The following TASP1 variants were observed in gnomAD, a reference collection of about 807,000 sequenced individuals.
The protein encoded by TASP1 is taspase 1.
In TASP1, 16 loss-of-function variants were observed where a neutral mutation model predicts 56.6. The observed-to-expected ratio is 0.28, with a 90% CI of 0.19 to 0.43. The LOEUF is 0.43. Among genes scored for constraint, TASP1 ranks in the 20% least tolerant of loss-of-function variants. The pLI, the probability that TASP1 is intolerant of heterozygous loss-of-function variation, is 1.00. For missense variants in TASP1, 393 were observed against 511.6 expected, an observed-to-expected ratio of 0.77 and a Z score of 2.24; for synonymous variants, 179 against 184.2, an observed-to-expected ratio of 0.97 and a Z score of 0.23.
intron 8 of TASP1, among the ~76,000 whole-genome samples, chr20:13,545,644 C>T (rs2045781012): frequency 7.8e-6 from 1 of 128,662 alleles, no homozygotes; most frequent in East Asian, 2.2e-4. Context: ...TGGTGTTACA[C>T]ATTTTTTTTT....
chr20:13,601,990 C>T (rs2047979098), intron 4 of TASP1, among the ~76,000 whole-genome samples: 1 of 150,582 alleles, frequency 6.6e-6, no homozygotes, highest in Non-Finnish European at 1.5e-5. Context: ...CATTCTCCTG[C>T]CTCAGCCTCC....
At chr20:13,554,424 A>G (rs965635642) in intron 8 of TASP1, among the ~76,000 whole-genome samples, 36 of 152,204 alleles carry the variant, frequency 2.4e-4, no homozygotes, top group Non-Finnish European at 1.9e-4. Context: ...TCTAATTTAT[A>G]GAGGTAGAAT....
intron 4 of TASP1, among the ~76,000 whole-genome samples, chr20:13,612,546 C>T (rs1219797364): frequency 6.6e-6 from 1 of 150,798 alleles, no homozygotes; most frequent in Non-Finnish European, 1.5e-5. Context: ...TACACAGAAG[C>T]GCATGGGAGG....
At chr20:13,485,102 A>C (rs1284200532) in intron 10 of TASP1, among the ~76,000 whole-genome samples, 1 of 152,196 alleles carries the variant, frequency 6.6e-6, no homozygotes, top group Non-Finnish European at 1.5e-5. Context: ...CACGTTCTGC[A>C]CATGTATCCC....
At chr20:13,521,481 G>A (rs550463626) in intron 10 of TASP1, among the ~76,000 whole-genome samples, 1 of 152,272 alleles carries the variant, frequency 6.6e-6, no homozygotes, top group East Asian at 1.9e-4. Context: ...TTAGGGACAT[G>A]GATGAAGCTG....
intron 10 of TASP1, among the ~76,000 whole-genome samples, chr20:13,512,376 A>G (rs904030129): frequency 6.6e-6 from 1 of 152,000 alleles, no homozygotes; most frequent in Non-Finnish European, 1.5e-5. Context: ...GCATTTTTTC[A>G]TGTGTCTGTT....
At chr20:13,539,954 G>A (rs1025769568) in intron 8 of TASP1, among the ~76,000 whole-genome samples, 6 of 100,506 alleles carry the variant, frequency 6.0e-5, no homozygotes, top group Non-Finnish European at 1.5e-4. Context: ...GTAAGTGATG[G>A]TAGAGATCAC....
At chr20:13,215,784 C>T in the TASP1 span, among the ~76,000 whole-genome samples, 1 of 152,146 alleles carries the variant, frequency 6.6e-6, no homozygotes, top group Non-Finnish European at 1.5e-5. Context: ...AGGTGAACCC[C>T]AGTCTTCATA....
At chr20:13,462,789 G>T (rs979913797) in intron 11 of TASP1, among the ~76,000 whole-genome samples, 20 of 151,960 alleles carry the variant, frequency 1.3e-4, no homozygotes, top group African/African-American at 3.9e-4. Context: ...GCATTAAAAA[G>T]AATAAAATAC....
intron 10 of TASP1, among the ~76,000 whole-genome samples, chr20:13,496,457 T>C (rs759177046): frequency 1.3e-5 from 2 of 150,632 alleles, no homozygotes; most frequent in Non-Finnish European, 3.0e-5. Flanking sequence ...GGAAACTAGA[T>C]TATTATGTTA....
the TASP1 span, among the ~76,000 whole-genome samples, chr20:13,355,689 C>G: frequency 6.6e-6 from 1 of 152,194 alleles, no homozygotes; most frequent in East Asian, 1.9e-4. Flanking sequence ...AATGTGATGG[C>G]AAAGGTGCCT....
At chr20:13,211,949 G>A in the TASP1 span, among the ~76,000 whole-genome samples, 1 of 152,064 alleles carries the variant, frequency 6.6e-6, no homozygotes, top group Non-Finnish European at 1.5e-5. Flanking sequence ...ACTATCCAGT[G>A]CTTAATAGGA....
At chr20:13,393,594 C>G in intron 13 of TASP1, 2 of 998,978 alleles carry the variant, frequency 2.0e-6, no homozygotes, top group Non-Finnish European at 3.1e-6. Context: ...CCTTGTCAAG[C>G]TCATTTCCTG....
At chr20:13,329,390 G>A in the TASP1 span, among the ~76,000 whole-genome samples, 1 of 152,220 alleles carries the variant, frequency 6.6e-6, no homozygotes. Flanking sequence ...AGCCATCTAC[G>A]AATCAAAGAA....
the TASP1 span, among the ~76,000 whole-genome samples, chr20:13,323,570 T>C: frequency 6.6e-6 from 1 of 152,250 alleles, no homozygotes; most frequent in Non-Finnish European, 1.5e-5. Context: ...TTCTTGGCCA[T>C]TTACTTTGTT....
the TASP1 span, among the ~76,000 whole-genome samples, chr20:13,287,308 C>A: frequency 6.6e-6 from 1 of 152,100 alleles, no homozygotes; most frequent in Non-Finnish European, 1.5e-5. Flanking sequence ...AGGGGAACTC[C>A]CATTTATAAA....
At chr20:13,536,965 G>A (rs146309197) in intron 8 of TASP1, among the ~76,000 whole-genome samples, 95 of 152,080 alleles carry the variant, frequency 6.2e-4, no homozygotes, top group Non-Finnish European at 1.1e-3. Context: ...TATTTCTGGC[G>A]AGAATGCTTA....
At chr20:13,263,606 T>A in the TASP1 span, among the ~76,000 whole-genome samples, 5 of 152,314 alleles carry the variant, frequency 3.3e-5, no homozygotes, top group East Asian at 9.6e-4. Context: ...TATTTTTAGA[T>A]GTGTGGAACT....
the TASP1 span, among the ~76,000 whole-genome samples, chr20:13,347,769 G>T: frequency 6.6e-6 from 1 of 152,036 alleles, no homozygotes; most frequent in Non-Finnish European, 1.5e-5. Context: ...TTGAATCCGG[G>T]GGGCAGAGGT....
Sources: allele counts gnomAD v4.1 joint callset (sites outside exome capture counted in the v4.1 genomes callset), GRCh38; gene constraint gnomAD v4.1.1; transcripts MANE v1.5; gene names NCBI Gene and HGNC (gene_info 2026-07-23, HGNC 2026-07-21).